Variants in TTLL7 observed in about 807,000 individuals in gnomAD.
TTLL7 encodes tubulin polyglutamylase TTLL7.
Under a neutral mutation model 120.2 loss-of-function variants are expected in TTLL7, and 53 were observed. That is an observed-to-expected ratio of 0.44 (90% CI 0.35 to 0.55). The LOEUF is 0.55. Ranked by LOEUF, TTLL7 falls within the 20% of genes least tolerant of loss-of-function variation. The pLI, the probability that TTLL7 is intolerant of heterozygous loss-of-function variation, is 0.00. For synonymous variants in TTLL7, 353 were observed against 351.7 expected (o/e 1.00, Z -0.04); for missense variants, 803 against 1,054.7 (o/e 0.76, Z 3.31).
At chr1:83,874,680 A>G (rs1653757629) in intron 20 of TTLL7, among the ~76,000 whole-genome samples, 1 of 151,958 alleles carries the variant, frequency 6.6e-6, no homozygotes, top group East Asian at 1.9e-4. Flanking sequence ...ATTCTAGTGG[A>G]TGTGCACTAA....
chr1:83,947,482 AG>A (rs1648618763), intron 5 of TTLL7, 200 bp from the exon 6 acceptor site: 2 of 463,858 alleles, frequency 4.3e-6, no homozygotes, highest in Non-Finnish European at 7.3e-6. Flanking sequence ...TGGATTCATC[AG>A]TGAAAAAAAA....
intron 1 of TTLL7, among the ~76,000 whole-genome samples, chr1:83,954,177 T>A (rs1026798885): frequency 1.3e-5 from 2 of 152,092 alleles, no homozygotes; most frequent in African/African-American, 4.8e-5. Context: ...CAACAAGACT[T>A]TAAAAACAAG....
intron 1 of TTLL7, among the ~76,000 whole-genome samples, chr1:83,978,819 CTG>C (rs1185601083): frequency 6.6e-6 from 1 of 152,144 alleles, no homozygotes; most frequent in African/African-American, 2.4e-5. Context: ...AGACATTTGA[CTG>C]TTATTATCAA....
chr1:83,914,564 T>C (rs1009827779), intron 14 of TTLL7, among the ~76,000 whole-genome samples: 1 of 152,246 alleles, frequency 6.6e-6, no homozygotes, highest in Middle Eastern at 3.4e-3. Context: ...TCTCTTGACC[T>C]CGTGATCCGC....
At chr1:83,953,000 T>C (rs1557724449) in intron 1 of TTLL7, among the ~76,000 whole-genome samples, 2 of 152,122 alleles carry the variant, frequency 1.3e-5, no homozygotes, top group African/African-American at 4.8e-5. Context: ...GATTCCTATA[T>C]AAAGGATTAT....
chr1:83,926,481 A>G (rs547979487), intron 10 of TTLL7, among the ~76,000 whole-genome samples: 7 of 152,264 alleles, frequency 4.6e-5, no homozygotes, highest in Admixed American at 4.6e-4. Flanking sequence ...CAGACTCAAA[A>G]ATGATGCCAC....
chr1:83,970,475 G>A (rs560889622), intron 1 of TTLL7, among the ~76,000 whole-genome samples: 2 of 152,170 alleles, frequency 1.3e-5, no homozygotes, highest in East Asian at 3.9e-4. Flanking sequence ...AAAGCACACA[G>A]ACAAAATCCT....
At chr1:83,995,545 C>T (rs1653400283) in intron 1 of TTLL7, among the ~76,000 whole-genome samples, 1 of 151,976 alleles carries the variant, frequency 6.6e-6, no homozygotes, top group Non-Finnish European at 1.5e-5. Flanking sequence ...AAGGCCTCCC[C>T]AGAAGCAGAT....
chr1:83,951,705 T>C, intron 3 of TTLL7, 140 bp downstream of exon 3: 1 of 897,606 alleles, frequency 1.1e-6, no homozygotes, highest in Non-Finnish European at 1.6e-6. Flanking sequence ...TTCTAATATG[T>C]TAGAAATTTT....
chr1:83,869,892 G>C lies in TTLL7; in HGVS notation c.*70C>G, dbSNP rs998917571. The C allele has an allele frequency of 5.1e-6, 8 of 1,564,094 alleles. No individual in the cohort carries two copies. Among genetic ancestry groups the C allele is most frequent in the Non-Finnish European group, 6.0e-6 (7 of 1,158,886 alleles). On this transcript the variant is annotated 3_prime_UTR_variant, in exon 21 of 21. Transcript: ENST00000260505. ...ACAGCACTTAATGGTCATGTTCTTT[G>C]CATGTTCAACTTCAGAGGAAAAAAA... is the stretch of plus-strand genomic sequence containing the variant.
chr1:83,896,285 G>A (rs565945316), intron 18 of TTLL7, among the ~76,000 whole-genome samples: 1 of 151,876 alleles, frequency 6.6e-6, no homozygotes, highest in South Asian at 2.1e-4. Flanking sequence ...GCTCTCCAAG[G>A]GAAAAAACAA....
intron 20 of TTLL7, among the ~76,000 whole-genome samples, chr1:83,880,765 A>C (rs1025963782): frequency 1.1e-4 from 17 of 152,092 alleles, no homozygotes; most frequent in African/African-American, 4.1e-4. Context: ...TGGAACCAAA[A>C]AGAGCCCGCA....
intron 1 of TTLL7, among the ~76,000 whole-genome samples, chr1:83,997,373 C>T (rs1653580403): frequency 6.6e-6 from 1 of 152,090 alleles, no homozygotes; most frequent in East Asian, 1.9e-4. Context: ...CATCAACGGG[C>T]GAAGAAAGAC....
chr1:83,896,181 T>C (rs1297519578), intron 18 of TTLL7, among the ~76,000 whole-genome samples: 1 of 152,098 alleles, frequency 6.6e-6, no homozygotes, highest in Non-Finnish European at 1.5e-5. Flanking sequence ...GGTGCCCTTG[T>C]GTTATCTGTG....
chr1:83,939,155 C>G (rs1028514224), intron 7 of TTLL7, among the ~76,000 whole-genome samples: 1 of 152,050 alleles, frequency 6.6e-6, no homozygotes, highest in African/African-American at 2.4e-5. Flanking sequence ...AGTCTCTATC[C>G]TTATGAAACA....
chr1:83,899,819 C>G (rs532309553), intron 18 of TTLL7, among the ~76,000 whole-genome samples: 118 of 152,004 alleles, frequency 7.8e-4, no homozygotes, highest in African/African-American at 2.1e-3. Flanking sequence ...ATTAGTGCTT[C>G]CACTCCCTCC....
intron 18 of TTLL7, chr1:83,902,018 C>A (rs1259342845): frequency 6.6e-6 from 1 of 151,982 alleles, no homozygotes; most frequent in Non-Finnish European, 1.5e-5. Context: ...TACTCTCTCC[C>A]CAAATCTCCA....
rs115658277 is a variant in TTLL7, at chr1:83,906,907, C to G, written c.1993-444G>C. ...TCTATGTGAAGGTAGTCGGAGCTATCTATTTGAGCATCTAAAAGTAAGCCT... is the reference window on the plus strand; with the variant it reads ...TCTATGTGAAGGTAGTCGGAGCTATGTATTTGAGCATCTAAAAGTAAGCCT... On this transcript the variant is annotated intron_variant, in intron 16 of 20. Coordinates refer to ENST00000260505, the MANE Select transcript of TTLL7 (RefSeq NM_024686.6). Among the ~76,000 whole-genome samples, 286 of 152,140 alleles carry G rather than the reference C, an allele frequency of 1.9e-3. 2 individuals carry two copies. Among genetic ancestry groups the G allele is most frequent in the African/African-American group, 6.5e-3 (272 of 41,536 alleles).
chr1:83,874,239 T>G (rs1653707206), intron 20 of TTLL7, among the ~76,000 whole-genome samples: 1 of 152,066 alleles, frequency 6.6e-6, no homozygotes, highest in African/African-American at 2.4e-5. Context: ...GATTTGTCCA[T>G]TTGTGTTTGG....
Sources: gnomAD v4.1 joint callset for allele counts (sites outside exome capture counted in the v4.1 genomes callset) on GRCh38, gnomAD v4.1.1 for gene constraint, MANE v1.5 for transcripts, NCBI Gene and HGNC (gene_info 2026-07-23, HGNC 2026-07-21) for gene names.